SLCO3A1: variants seen among roughly 807,000 people sequenced by gnomAD.
SLCO3A1 encodes PGE1 transporter.
In SLCO3A1, 27 loss-of-function variants were observed where a neutral mutation model predicts 63.1. The observed-to-expected ratio is 0.43, with a 90% confidence interval of 0.32 to 0.59. The LOEUF (loss-of-function observed/expected upper bound fraction) is 0.59. SLCO3A1 is among the 20% of genes least tolerant of loss of function. The pLI, the probability that SLCO3A1 is intolerant of heterozygous loss-of-function variation, is 0.09. For missense variants in SLCO3A1, 773 were observed against 945.8 expected, an observed-to-expected ratio of 0.82 and a Z score of 2.40; for synonymous variants, 473 against 409.9, an observed-to-expected ratio of 1.15 and a Z score of -1.86.
chr15:92,129,031 G>A (rs1044223766), intron 7 of SLCO3A1, among the ~76,000 whole-genome samples: 1 of 152,146 alleles, frequency 6.6e-6, no homozygotes, highest in Non-Finnish European at 1.5e-5. Context: ...TTTACAATTG[G>A]CTGTCAGCCC....
At chr15:92,026,576 T>C (rs913639784) in intron 2 of SLCO3A1, among the ~76,000 whole-genome samples, 9 of 152,246 alleles carry the variant, frequency 5.9e-5, no homozygotes, top group African/African-American at 1.9e-4. Context: ...TCCCTAAGGG[T>C]TCTATGATTT....
Position 91,873,928 on chromosome 15 carries a change from G to T in SLCO3A1, c.180+19840G>T, listed in dbSNP as rs530563580. ...ATTTCCTTTGTTTTTTTTCTTTATT[G>T]TGGAAAATTACACATAAAATTTACC... On this transcript the variant is annotated intron_variant, in intron 1 of 9. Transcript: ENST00000318445. Among the ~76,000 whole-genome samples, 31 of 151,094 alleles carry T rather than the reference G, an allele frequency of 2.1e-4. No individual in the cohort carries two copies. In the East Asian group the frequency reaches 5.6e-3, roughly 27 times the overall value.
At chr15:92,170,957 T>C (rs780697108) in intron 10 of SLCO3A1, 5 of 152,194 alleles carry the variant, frequency 3.3e-5, no homozygotes, top group Non-Finnish European at 7.3e-5. Context: ...TGTAAGAACG[T>C]AGGCCTTGTG....
At chr15:91,997,939 A>G (rs1434326152) in intron 2 of SLCO3A1, among the ~76,000 whole-genome samples, 1 of 152,198 alleles carries the variant, frequency 6.6e-6, no homozygotes, top group Non-Finnish European at 1.5e-5. Flanking sequence ...CACCACTCAG[A>G]ATATCAGCCT....
intron 7 of SLCO3A1, among the ~76,000 whole-genome samples, chr15:92,137,149 G>C (rs982278092): frequency 8.0e-5 from 11 of 138,016 alleles, no homozygotes; most frequent in African/African-American, 2.9e-4. Context: ...GCAGTCCCCA[G>C]AGTGTGATGT....
chr15:92,134,642 T>C (rs1266873892), intron 7 of SLCO3A1, among the ~76,000 whole-genome samples: 1 of 152,242 alleles, frequency 6.6e-6, no homozygotes. Flanking sequence ...CGTAGATGGA[T>C]ACTTCAGGTT....
chr15:92,062,305 G>A (rs960634699), intron 2 of SLCO3A1, among the ~76,000 whole-genome samples: 2 of 152,172 alleles, frequency 1.3e-5, no homozygotes, highest in Non-Finnish European at 2.9e-5. Flanking sequence ...ATTTTGTGGG[G>A]ACAGCTCAAG....
At chr15:92,094,773 A>C in intron 2 of SLCO3A1, 108 bp from the exon 3 acceptor site, 1 of 688,362 alleles carries the variant, frequency 1.5e-6, no homozygotes. Flanking sequence ...ATGAATTCCT[A>C]ATGTCATCTC....
At chr15:91,904,514 A>G (rs560021818) in intron 1 of SLCO3A1, among the ~76,000 whole-genome samples, 16 of 152,330 alleles carry the variant, frequency 1.1e-4, no homozygotes, top group Non-Finnish European at 2.1e-4. Context: ...ATTAGCAGTT[A>G]ATATCCATTG....
chr15:92,090,626 T>A (rs532131801), intron 2 of SLCO3A1, among the ~76,000 whole-genome samples: 1 of 152,254 alleles, frequency 6.6e-6, no homozygotes, highest in East Asian at 1.9e-4. Context: ...TACAGCTGTT[T>A]CCCAGCAAGA....
intron 2 of SLCO3A1, among the ~76,000 whole-genome samples, chr15:92,051,507 A>G (rs2046957059): frequency 6.6e-6 from 1 of 152,142 alleles, no homozygotes; most frequent in African/African-American, 2.4e-5. Flanking sequence ...TGAAAGTGTA[A>G]TTGAGGGGTT....
At position 92,043,918 on chromosome 15, in the gene SLCO3A1, T is replaced by TC. The variant is rs1001120769; in HGVS notation, c.647-50957dup. Among the ~76,000 whole-genome samples, 140 of 152,164 alleles carry TC rather than the reference T, an allele frequency of 9.2e-4. 1 individual carries two copies. The highest frequency in any genetic ancestry group is 3.3e-3 in the African/African-American group (135 of 41,512). On this transcript the variant is annotated intron_variant, in intron 2 of 9. Coordinates refer to ENST00000318445, the MANE Select transcript of SLCO3A1 (RefSeq NM_013272.4). ...TGTTTCTCCCTGGTCGGTTTTTCCA[T>TC]CCCCCCTGGGAGCCTGCTTCCTTTC...
chr15:92,127,432 G>A (rs1203635373), intron 6 of SLCO3A1, among the ~76,000 whole-genome samples: 1 of 152,230 alleles, frequency 6.6e-6, no homozygotes, highest in African/African-American at 2.4e-5. Flanking sequence ...TTTTGGACAA[G>A]TCACTTAACC....
intron 2 of SLCO3A1, among the ~76,000 whole-genome samples, chr15:91,926,596 T>TGTGTGTGTGTGTGTGCGCGCGC: frequency 1.1e-3 from 116 of 105,302 alleles, no homozygotes; most frequent in African/African-American, 3.6e-3. Context: ...TGTGTGTGTG[T>TGTGTGTGTGTGTGTGCGCGCGC]GCGCGCGCGC....
intron 7 of SLCO3A1, among the ~76,000 whole-genome samples, chr15:92,143,926 T>G (rs1208030773): frequency 1.3e-5 from 2 of 152,156 alleles, no homozygotes; most frequent in Non-Finnish European, 2.9e-5. Context: ...TGATGGGCAC[T>G]CTGCGATGTG....
chr15:92,066,907 C>T (rs1597278569), intron 2 of SLCO3A1, among the ~76,000 whole-genome samples: 1 of 152,158 alleles, frequency 6.6e-6, no homozygotes, highest in South Asian at 2.1e-4. Context: ...CTTCTCTGTG[C>T]GTAGGAAACT....
chr15:91,875,467 G>A lies in SLCO3A1; in HGVS notation c.180+21379G>A, dbSNP rs150969126. ...CTGGATTCCAATCCCAGCTCTGCCC[G>A]TCACATGTGACGTAAACCTAGGTTG... On this transcript the variant is annotated intron_variant, in intron 1 of 9. Coordinates refer to ENST00000318445, the MANE Select transcript of SLCO3A1 (RefSeq NM_013272.4). This position sits in a 1 kb window ranked among gnomAD's most constrained non-coding sequence, Gnocchi z 4.5. Among the ~76,000 whole-genome samples the A allele has an allele frequency of 6.2e-3, 946 of 152,300 alleles. 2 individuals are homozygous for A. The highest frequency in any genetic ancestry group is 0.012 in the South Asian group (56 of 4,818).
Position 92,050,863 on chromosome 15 carries a change from C to T in SLCO3A1, c.647-44018C>T, listed in dbSNP as rs191109823. Among the ~76,000 whole-genome samples the T allele has an allele frequency of 5.5e-3, 838 of 152,226 alleles. 2 individuals are homozygous for T. Among genetic ancestry groups the T allele is most frequent in the Non-Finnish European group, 7.8e-3 (529 of 68,016 alleles). ...GGCTCGGGATGATGTAGCCTCCTGG[C>T]CCCTCTTGCTATTCCTCACATCCAT... On this transcript the variant is annotated intron_variant, in intron 2 of 9. Transcript: ENST00000318445.
chr15:91,868,483 G>C (rs1046395306), intron 1 of SLCO3A1, among the ~76,000 whole-genome samples: 1 of 150,830 alleles, frequency 6.6e-6, no homozygotes, highest in African/African-American at 2.4e-5. Flanking sequence ...CCATAATTCA[G>C]AGAACCTGGA....
Sources: allele counts gnomAD v4.1 joint callset (sites outside exome capture counted in the v4.1 genomes callset), GRCh38; gene constraint gnomAD v4.1.1; non-coding constraint Gnocchi (gnomAD v3.1); transcripts MANE v1.5; gene names NCBI Gene and HGNC (gene_info 2026-07-23, HGNC 2026-07-21).